ACP3: variants seen among roughly 807,000 people sequenced by gnomAD.
The protein encoded by ACP3 is prostatic acid phosphatase.
A neutral mutation model predicts 45.6 loss-of-function variants in ACP3; 38 were observed. The ratio of observed to expected loss-of-function variants is 0.83; its 90% CI spans 0.64 to 1.09. ACP3 has a LOEUF of 1.09. ACP3 is among the 50% of genes least tolerant of loss of function. The pLI is 0.00. For missense variants in ACP3, 466 were observed against 463.2 expected, an observed-to-expected ratio of 1.01 and a Z score of -0.05; for synonymous variants, 162 against 164.7, an observed-to-expected ratio of 0.98 and a Z score of 0.13.
chr3:132,328,797 T>C (rs1389936231), intron 2 of ACP3, among the ~76,000 whole-genome samples: 2 of 151,982 alleles, frequency 1.3e-5, no homozygotes, highest in African/African-American at 2.4e-5. Context: ...GAGATGTACA[T>C]GAACAAAGAC....
chr3:132,349,464 G>T (rs1272758159), intron 7 of ACP3, among the ~76,000 whole-genome samples: 29 of 152,130 alleles, frequency 1.9e-4, no homozygotes, highest in Non-Finnish European at 1.3e-4. Context: ...AAGCAAGAGG[G>T]GTGAAAATAG....
chr3:132,357,352 C>T lies in ACP3; in HGVS notation c.*474C>T, dbSNP rs2239698. 1.0e-6 allele frequency: 1 copy of T among 985,224 alleles called. No individual in the cohort carries two copies. Among genetic ancestry groups the T allele is most frequent in the Non-Finnish European group, 1.2e-6 (1 of 829,966 alleles). The allele number at this position is 985,224 out of a possible 1,614,324, so 61.0% of individuals were successfully genotyped here. A position where few individuals can be genotyped will look rare whatever the true frequency, so the allele number is the denominator to read the frequency against. On this transcript the variant is annotated 3_prime_UTR_variant, in exon 10 of 10. Transcript: ENST00000336375. ...TGTGAATAGGCTGATGGGCAAAAAA[C>T]CAATTTACCCATCAGTTCCAGCCTT...
rs200942795 is a variant in ACP3 at position 132,337,540 on chromosome 3, C to G, written c.541C>G (p.Leu181Val). The stretch of plus-strand genomic sequence containing the variant: ...GAAATCAGAGGAATTCCAGAAGAGG[C>G]TGCACCCTTATAAGGTTAAAAGCTA... The part of the protein sequence containing the change: ...TLKSEEFQKR[L>V]HPYKDFIATL... Residue 181 changes from leucine (L) to valine (V), a missense_variant, in exon 5 of 10, where the codon CTG becomes GTG. Coordinates refer to ENST00000336375, the MANE Select transcript of ACP3 (RefSeq NM_001099.5). 3 of 1,607,942 alleles carry G rather than the reference C, an allele frequency of 1.9e-6. No individual in the cohort carries two copies. Among genetic ancestry groups the G allele is most frequent in the Non-Finnish European group, 2.6e-6 (3 of 1,175,164 alleles).
At position 132,337,058 on chromosome 3, in the gene ACP3, G is replaced by A. The variant is rs1260886364; in HGVS notation, c.457-398G>A. On this transcript the variant is annotated intron_variant, in intron 4 of 9. Coordinates refer to ENST00000336375, the MANE Select transcript of ACP3 (RefSeq NM_001099.5). ...AATTCCTTTCTCCATACATACATGC[G>A]TTGGGGTGTGTGTGTGTGTGTGTGT... Among the ~76,000 whole-genome samples the A allele has an allele frequency of 3.5e-5, 5 of 143,276 alleles. No individual in the cohort carries two copies. In the East Asian group the frequency reaches 6.0e-4, roughly 17 times the overall value. The allele number at this position is 143,276 out of a possible 152,430, so 94.0% of individuals were successfully genotyped here. A position where few individuals can be genotyped will look rare whatever the true frequency, so the allele number is the denominator to read the frequency against.
chr3:132,362,094 A>G (rs548442023), downstream of ACP3, among the ~76,000 whole-genome samples: 13 of 152,290 alleles, frequency 8.5e-5, no homozygotes, highest in South Asian at 2.7e-3. Context: ...ACTATTCTGT[A>G]AAATTATGTC....
At chr3:132,350,375 T>C (rs1328203439) in intron 8 of ACP3, among the ~76,000 whole-genome samples, 1 of 152,126 alleles carries the variant, frequency 6.6e-6, no homozygotes, top group African/African-American at 2.4e-5. Flanking sequence ...TCCTCACTAG[T>C]GTGTAGGACA....
intron 1 of ACP3, among the ~76,000 whole-genome samples, chr3:132,322,784 C>G (rs1243049036): frequency 2.0e-5 from 3 of 152,240 alleles, no homozygotes; most frequent in Admixed American, 6.5e-5. Flanking sequence ...CCCAATGTAA[C>G]AGCCTTAAGA....
intron 8 of ACP3, among the ~76,000 whole-genome samples, chr3:132,352,478 A>C (rs1272761855): frequency 1.3e-5 from 2 of 151,866 alleles, no homozygotes; most frequent in East Asian, 3.9e-4. Flanking sequence ...GATTACAGGC[A>C]TGAGCTACCA....
intron 1 of ACP3, among the ~76,000 whole-genome samples, chr3:132,318,749 G>A (rs1392509989): frequency 6.6e-6 from 1 of 152,180 alleles, no homozygotes; most frequent in African/African-American, 2.4e-5. Context: ...ACCCATGTGA[G>A]CTAGGCTTGT....
chr3:132,325,618 A>ACACACACACACACACACACC (rs1416576821), intron 1 of ACP3, among the ~76,000 whole-genome samples: 11 of 151,436 alleles, frequency 7.3e-5, no homozygotes, highest in African/African-American at 2.7e-4. Flanking sequence ...ACACACACAC[A>ACACACACACACACACACACC]CCCCTTCCAA....
At chr3:132,331,336 C>G (rs1937394596) in intron 2 of ACP3, among the ~76,000 whole-genome samples, 1 of 152,224 alleles carries the variant, frequency 6.6e-6, no homozygotes, top group African/African-American at 2.4e-5. Context: ...AAGGATCCCA[C>G]TACATCAGAG....
At chr3:132,345,350 T>C (rs1251801346) in intron 7 of ACP3, among the ~76,000 whole-genome samples, 1 of 152,210 alleles carries the variant, frequency 6.6e-6, no homozygotes, top group Non-Finnish European at 1.5e-5. Context: ...ACTCAAGCCC[T>C]TAGTTTTCTA....
chr3:132,345,704 T>A (rs1020182802), intron 7 of ACP3, among the ~76,000 whole-genome samples: 1 of 152,336 alleles, frequency 6.6e-6, no homozygotes, highest in Middle Eastern at 3.4e-3. Flanking sequence ...CTCTTCTTGG[T>A]TAGAACTGGC....
At chr3:132,324,884 G>A (rs925566386) in intron 1 of ACP3, among the ~76,000 whole-genome samples, 8 of 152,014 alleles carry the variant, frequency 5.3e-5, no homozygotes, top group Non-Finnish European at 1.2e-4. Context: ...CTCATGATCC[G>A]CCTGCCTCAG....
chr3:132,361,043 T>C (rs546164515), downstream of ACP3, among the ~76,000 whole-genome samples: 5 of 152,348 alleles, frequency 3.3e-5, no homozygotes, highest in South Asian at 8.3e-4. Context: ...CAAAAGTGAT[T>C]ATACTGTAGA....
intron 5 of ACP3, 77 bp downstream of exon 5, chr3:132,337,631 G>T (rs1559834276): frequency 4.4e-6 from 4 of 907,752 alleles, no homozygotes; most frequent in Non-Finnish European, 6.8e-6. Context: ...GACACAAGAT[G>T]AAGCTTTGGC....
chr3:132,363,264 C>T (rs1451443676), downstream of ACP3, among the ~76,000 whole-genome samples: 2 of 152,088 alleles, frequency 1.3e-5, no homozygotes, highest in East Asian at 3.9e-4. Flanking sequence ...AATTCTTGAC[C>T]TGTTTTGTCA....
Position 132,317,543 on chromosome 3 carries a change from T to C in ACP3, c.87T>C (p.Ser29=). Reference sequence around the variant, plus strand: ...TGCTTTTTTTCTGGCTAGACCGAAGTGTACTAGCCAAGGAGTTGAAGTTTG... The same window carrying C: ...TGCTTTTTTTCTGGCTAGACCGAAGCGTACTAGCCAAGGAGTTGAAGTTTG... ...LFLLFFWLDR[S]VLAKELKFVT... is the part of the protein sequence containing the mutation. The change falls in exon 1 of 10, where the codon AGT becomes AGC. Residue 29 remains serine (S), a synonymous_variant. Transcript: ENST00000336375. The C allele has an allele frequency of 3.7e-6, 6 of 1,613,276 alleles. No homozygotes were observed. Among genetic ancestry groups the C allele is most frequent in the Non-Finnish European group, 5.1e-6 (6 of 1,179,586 alleles).
Position 132,352,733 on chromosome 3 carries a change from T to C in ACP3, c.878T>C (p.Val293Ala), listed in dbSNP as rs1256882448. Residue 293 changes from valine to alanine, a missense_variant, in exon 9 of 10, where the codon GTG becomes GCG. Physicochemically the swap from Val to Ala is moderately conservative, Grantham distance 64 (BLOSUM62 0). Transcript: ENST00000336375. ...LIMYSAHDTT[V>A]SGLQMALDVY... ...CAATCTCTGTAGCATGACACTACTG[T>C]GAGTGGCCTACAGATGGCGCTAGAT... 3 of 1,612,176 alleles carry C rather than the reference T, an allele frequency of 1.9e-6. No homozygotes were observed. In the South Asian group the frequency reaches 3.3e-5, roughly 18 times the overall value.
Sources: gnomAD v4.1 joint callset for allele counts (sites outside exome capture counted in the v4.1 genomes callset) on GRCh38, gnomAD v4.1.1 for gene constraint, MANE v1.5 for transcripts, NCBI Gene and HGNC (gene_info 2026-07-23, HGNC 2026-07-21) for gene names.